The following CLDN10 variants were observed in gnomAD, a reference collection of about 807,000 sequenced individuals.
CLDN10 encodes the protein claudin 10, also known as claudin-10.
In CLDN10, 15 loss-of-function variants were observed where a neutral mutation model predicts 22.9. That is an observed-to-expected ratio of 0.65 (90% CI 0.44 to 1.01). The LOEUF is 1.01. Among genes scored for constraint, CLDN10 ranks in the 50% least tolerant of loss-of-function variants. CLDN10 has a pLI of 0.00. For missense variants in CLDN10, 247 were observed against 287.8 expected, an observed-to-expected ratio of 0.86 and a Z score of 1.03; for synonymous variants, 114 against 111.4, an observed-to-expected ratio of 1.02 and a Z score of -0.15.
rs902694871 is a variant in CLDN10 at position 95,439,023 on chromosome 13, G to T, written c.214+4976G>T. Among the ~76,000 whole-genome samples, 4 of 149,392 alleles carry T rather than the reference G, an allele frequency of 2.7e-5. No homozygotes were observed. The Admixed American group carries it at 2.7e-4, about 10-fold the overall frequency. ...AGCGGAGGGTAAAGGAATAGCACTT[G>T]CTAGAGAAAGAGGGTTTTCTGTGGG... is the stretch of plus-strand genomic sequence containing the variant. On this transcript the variant is annotated intron_variant, in intron 1 of 4. Transcript: ENST00000376873.
intron 1 of CLDN10, among the ~76,000 whole-genome samples, chr13:95,507,557 C>T (rs1427168997): frequency 6.6e-6 from 1 of 151,796 alleles, no homozygotes; most frequent in Non-Finnish European, 1.5e-5. Flanking sequence ...GAGGCTGAGT[C>T]AGGAGGATCA....
upstream of CLDN10, chr13:95,552,567 C>T (rs527394653): frequency 3.3e-6 from 1 of 302,256 alleles, no homozygotes. Flanking sequence ...CCCTCTGAGG[C>T]CCCTCAAGGG....
At position 95,526,120 on chromosome 13, in the gene CLDN10, G is replaced by T. The variant is rs188468859; in HGVS notation, c.215-34012G>T. On this transcript the variant is annotated intron_variant, in intron 1 of 4. Coordinates refer to the CLDN10 transcript ENST00000376873. ...ACTATGGTTTTTTTAATTTCCGAGA[G>T]AGTGTTTGTGTGCATTCTCCGAATG... Among the ~76,000 whole-genome samples the T allele has an allele frequency of 5.8e-3, 876 of 152,212 alleles. 19 individuals are homozygous for T. Among genetic ancestry groups the T allele is most frequent in the Non-Finnish European group, 3.9e-3 (267 of 68,024 alleles).
At chr13:95,540,908 T>A (rs923105052) in intron 1 of CLDN10, among the ~76,000 whole-genome samples, 1 of 152,258 alleles carries the variant, frequency 6.6e-6, no homozygotes, top group Non-Finnish European at 1.5e-5. Flanking sequence ...TTGGGTGTTC[T>A]GCTCTTGTGG....
intron 1 of CLDN10, among the ~76,000 whole-genome samples, chr13:95,449,796 T>G (rs866201358): frequency 8.5e-4 from 126 of 148,634 alleles, no homozygotes; most frequent in African/African-American, 3.0e-3. Context: ...CAGGCTGGAG[T>G]GCAGTGGCAC....
chr13:95,511,724 T>C (rs1426403385), intron 1 of CLDN10, among the ~76,000 whole-genome samples: 6 of 148,510 alleles, frequency 4.0e-5, no homozygotes, highest in Non-Finnish European at 7.4e-5. Flanking sequence ...CTAAGACCAA[T>C]GATAGAACTA....
At chr13:95,488,247 A>G (rs2042827449) in intron 1 of CLDN10, among the ~76,000 whole-genome samples, 1 of 151,780 alleles carries the variant, frequency 6.6e-6, no homozygotes. Context: ...CATCTCAAAA[A>G]AAAAAAAAAA....
chr13:95,542,320 A>G (rs2043467842), intron 1 of CLDN10, among the ~76,000 whole-genome samples: 1 of 152,184 alleles, frequency 6.6e-6, no homozygotes, highest in Non-Finnish European at 1.5e-5. Flanking sequence ...CAACCACAGG[A>G]GTTAGGGCAG....
chr13:95,433,786 C>T (rs1376293209), exon 1 of CLDN10: 9 of 1,599,034 alleles, frequency 5.6e-6, no homozygotes, highest in Non-Finnish European at 7.7e-6. Context: ...ATGCCTAGAC[C>T]ACCAAAGCGT....
At chr13:95,534,857 T>A (rs1389124642) in intron 1 of CLDN10, among the ~76,000 whole-genome samples, 1 of 151,548 alleles carries the variant, frequency 6.6e-6, no homozygotes, top group Non-Finnish European at 1.5e-5. Context: ...ACAACAACAG[T>A]GAGGATGAAT....
intron 1 of CLDN10, among the ~76,000 whole-genome samples, chr13:95,458,175 G>C (rs2042500377): frequency 6.6e-6 from 1 of 152,224 alleles, no homozygotes; most frequent in Non-Finnish European, 1.5e-5. Context: ...ATGAGTGGTT[G>C]TGTAGACCTC....
intron 1 of CLDN10, among the ~76,000 whole-genome samples, chr13:95,544,571 G>A (rs148848535): frequency 6.6e-6 from 1 of 152,264 alleles, no homozygotes; most frequent in African/African-American, 2.4e-5. Flanking sequence ...ACCACAAAGA[G>A]AGGTGTGTCT....
chr13:95,495,361 T>C (rs936199904), intron 1 of CLDN10, among the ~76,000 whole-genome samples: 9 of 151,810 alleles, frequency 5.9e-5, no homozygotes, highest in East Asian at 1.9e-4. Context: ...TAGCAAATAT[T>C]TATTGGGTAT....
At chr13:95,515,102 C>T (rs1031664952) in intron 1 of CLDN10, among the ~76,000 whole-genome samples, 27 of 152,184 alleles carry the variant, frequency 1.8e-4, no homozygotes, top group Admixed American at 1.4e-3. Flanking sequence ...AACTGCTGGG[C>T]TCAAGCAATC....
intron 1 of CLDN10, among the ~76,000 whole-genome samples, chr13:95,436,831 G>A (rs1043119650): frequency 9.9e-5 from 15 of 152,088 alleles, no homozygotes; most frequent in Non-Finnish European, 1.8e-4. Flanking sequence ...GAGGGAATCA[G>A]GAAAGCTATC....
At chr13:95,516,213 G>T (rs1302354685) in intron 1 of CLDN10, among the ~76,000 whole-genome samples, 3 of 152,068 alleles carry the variant, frequency 2.0e-5, no homozygotes, top group Admixed American at 6.5e-5. Flanking sequence ...CATAGTAATA[G>T]AATATTTCTC....
intron 1 of CLDN10, chr13:95,528,598 A>G (rs1015764041): frequency 6.6e-6 from 1 of 152,252 alleles, no homozygotes; most frequent in African/African-American, 2.4e-5. Flanking sequence ...CTGCCAAAAG[A>G]TAAATTCAAA....
chr13:95,547,006 TC>T (rs1302099641), intron 1 of CLDN10, among the ~76,000 whole-genome samples: 7 of 151,700 alleles, frequency 4.6e-5, no homozygotes, highest in Admixed American at 4.0e-4. Context: ...AACTCCTAGC[TC>T]ATGCTCCCAA....
chr13:95,433,838 C>T (rs1188289218), exon 1 of CLDN10: 2 of 1,614,002 alleles, frequency 1.2e-6, no homozygotes, highest in South Asian at 1.1e-5. Flanking sequence ...CGCGACATGT[C>T]CAGGGCGCAG....
Sources: gnomAD v4.1 joint callset for allele counts (sites outside exome capture counted in the v4.1 genomes callset) on GRCh38, gnomAD v4.1.1 for gene constraint, MANE v1.5 for transcripts, NCBI Gene and HGNC (gene_info 2026-07-23, HGNC 2026-07-21) for gene names.